The following SPAG16 variants were observed in gnomAD, a reference collection of about 807,000 sequenced individuals.
The protein encoded by SPAG16 is sperm-associated antigen 16 protein.
SPAG16 carries 86 observed loss-of-function variants against 80.4 expected under a neutral mutation model. That is an observed-to-expected ratio of 1.07 (90% CI 0.90 to 1.28). SPAG16 has a LOEUF of 1.28. Among genes scored for constraint, SPAG16 ranks in the 50% most tolerant of loss-of-function variants. The pLI, the probability that SPAG16 is intolerant of heterozygous loss-of-function variation, is 0.00. For synonymous variants in SPAG16, 294 were observed against 265.9 expected (o/e 1.11, Z -1.03); for missense variants, 870 against 765.3 (o/e 1.14, Z -1.61).
At chr2:214,234,956 C>A (rs978333909) in intron 15 of SPAG16, among the ~76,000 whole-genome samples, 3 of 152,000 alleles carry the variant, frequency 2.0e-5, no homozygotes, top group African/African-American at 7.2e-5. Context: ...AGAAAAGTAT[C>A]AACTAATGAT....
At chr2:213,439,674 T>A (rs2125522519) in intron 9 of SPAG16, among the ~76,000 whole-genome samples, 1 of 152,358 alleles carries the variant, frequency 6.6e-6, no homozygotes, top group Middle Eastern at 3.4e-3. Flanking sequence ...GAAGTCTGCA[T>A]GGTTTTGAAA....
intron 11 of SPAG16, among the ~76,000 whole-genome samples, chr2:213,908,748 C>CTTT (rs55710221): frequency 5.3e-4 from 76 of 144,224 alleles, no homozygotes; most frequent in African/African-American, 1.3e-3. Context: ...CAAGATCATT[C>CTTT]TTTTTTTTTG....
intron 10 of SPAG16, among the ~76,000 whole-genome samples, chr2:213,854,541 C>T (rs1471539033): frequency 6.6e-6 from 1 of 152,174 alleles, no homozygotes; most frequent in African/African-American, 2.4e-5. Flanking sequence ...AGGCAGGCCC[C>T]AGATACCCTG....
chr2:213,759,666 A>G (rs914994050), intron 10 of SPAG16, among the ~76,000 whole-genome samples: 3 of 152,194 alleles, frequency 2.0e-5, no homozygotes, highest in African/African-American at 4.8e-5. Flanking sequence ...GCAAATCACT[A>G]AAGAAAATAA....
chr2:214,214,269 A>G (rs913966061), intron 15 of SPAG16, among the ~76,000 whole-genome samples: 2 of 149,836 alleles, frequency 1.3e-5, no homozygotes, highest in African/African-American at 5.0e-5. Flanking sequence ...TCCCAGGTTC[A>G]AGTGATCCTT....
chr2:213,301,510 A>C (rs543729470), intron 3 of SPAG16, among the ~76,000 whole-genome samples: 15 of 152,168 alleles, frequency 9.9e-5, no homozygotes, highest in Non-Finnish European at 2.2e-4. Context: ...TTTGCAATTC[A>C]ACATTTAATT....
intron 9 of SPAG16, among the ~76,000 whole-genome samples, chr2:213,385,343 G>T (rs1169357331): frequency 2.0e-5 from 3 of 152,120 alleles, no homozygotes; most frequent in Non-Finnish European, 4.4e-5. Context: ...CCTTTCTAGG[G>T]TGTTAAGTTC....
At chr2:213,339,024 T>TA (rs11329467) in intron 5 of SPAG16, among the ~76,000 whole-genome samples, 2,328 of 146,234 alleles carry the variant, frequency 0.016, 30 homozygotes, top group South Asian at 0.038. Flanking sequence ...CCCCAGAACT[T>TA]AAAAAAAAAA....
chr2:213,620,581 T>G (rs547865383), intron 10 of SPAG16, among the ~76,000 whole-genome samples: 1 of 152,180 alleles, frequency 6.6e-6, no homozygotes, highest in South Asian at 2.1e-4. Flanking sequence ...CATGAGCCAC[T>G]GCGCCTGGCT....
intron 11 of SPAG16, among the ~76,000 whole-genome samples, chr2:213,869,207 C>T (rs1174131862): frequency 2.1e-5 from 3 of 144,442 alleles, no homozygotes; most frequent in Non-Finnish European, 3.0e-5. Flanking sequence ...GAGTTGAGAT[C>T]GCGCCATTGA....
intron 15 of SPAG16, among the ~76,000 whole-genome samples, chr2:214,364,317 G>T (rs1374953394): frequency 1.3e-5 from 2 of 152,114 alleles, no homozygotes; most frequent in Middle Eastern, 3.4e-3. Context: ...TCCTTCATTT[G>T]TTGTACTTGT....
At chr2:214,315,685 T>C (rs1576759676) in intron 15 of SPAG16, among the ~76,000 whole-genome samples, 1 of 152,086 alleles carries the variant, frequency 6.6e-6, no homozygotes, top group Non-Finnish European at 1.5e-5. Flanking sequence ...GCGTGCGCCA[T>C]CATGCCTGGC....
chr2:213,874,226 T>G (rs2076056760), intron 11 of SPAG16, among the ~76,000 whole-genome samples: 1 of 152,140 alleles, frequency 6.6e-6, no homozygotes, highest in African/African-American at 2.4e-5. Context: ...ACACTTAGGC[T>G]ATACTGAATT....
chr2:213,286,011 CTT>C (rs2062043817), intron 1 of SPAG16: 1 of 880,392 alleles, frequency 1.1e-6, no homozygotes, highest in Non-Finnish European at 1.6e-6. Context: ...AATGAGGTAA[CTT>C]TTTGCAAACA....
chr2:214,254,045 A>G (rs1690498206), intron 15 of SPAG16, among the ~76,000 whole-genome samples: 1 of 151,926 alleles, frequency 6.6e-6, no homozygotes, highest in Admixed American at 6.6e-5. Flanking sequence ...ATTCCTAGGT[A>G]TTTTATTCTC....
chr2:214,126,025 TCC>T (rs1559822840), intron 14 of SPAG16, among the ~76,000 whole-genome samples: 1,310 of 17,906 alleles, frequency 0.073, 75 homozygotes, highest in South Asian at 0.28. Context: ...CTTCCTTCCT[TCC>T]TTCCTTCCTT....
At chr2:213,367,156 A>G (rs2066347268) in intron 8 of SPAG16, among the ~76,000 whole-genome samples, 1 of 152,104 alleles carries the variant, frequency 6.6e-6, no homozygotes, top group Non-Finnish European at 1.5e-5. Flanking sequence ...CATGGTGTAT[A>G]TGTCCCACAT....
intron 10 of SPAG16, among the ~76,000 whole-genome samples, chr2:213,846,525 G>A (rs1264238760): frequency 6.6e-6 from 1 of 151,764 alleles, no homozygotes; most frequent in African/African-American, 2.4e-5. Flanking sequence ...AGTAAAACCA[G>A]TCCATGTCAT....
At chr2:214,097,113 T>C (rs2125344653) in intron 13 of SPAG16, among the ~76,000 whole-genome samples, 1 of 152,206 alleles carries the variant, frequency 6.6e-6, no homozygotes, top group African/African-American at 2.4e-5. Context: ...ACATTAATTT[T>C]TAAACTTGGA....
Sources: gnomAD v4.1 joint callset for allele counts (sites outside exome capture counted in the v4.1 genomes callset) on GRCh38, gnomAD v4.1.1 for gene constraint, MANE v1.5 for transcripts, NCBI Gene and HGNC (gene_info 2026-07-23, HGNC 2026-07-21) for gene names.